HSDL2: variants seen among roughly 807,000 people sequenced by gnomAD.
HSDL2 encodes the protein hydroxysteroid dehydrogenase-like protein 2.
Under a neutral mutation model 46.3 loss-of-function variants are expected in HSDL2, and 27 were observed. The observed-to-expected ratio is 0.58, with a 90% CI of 0.43 to 0.80. HSDL2 has a LOEUF of 0.80. Among genes scored for constraint, HSDL2 ranks in the 30% least tolerant of loss-of-function variants. The pLI is 0.00. For synonymous variants in HSDL2, 153 were observed against 163.6 expected (o/e 0.94, Z 0.50); for missense variants, 451 against 502.7 (o/e 0.90, Z 0.98).
In HSDL2 at chr9:112,389,285, T is replaced by C. The variant is rs117104028; in HGVS notation, c.17+9105T>C. Among the ~76,000 whole-genome samples the C allele has an allele frequency of 3.7e-3, 557 of 152,210 alleles. 23 individuals carry two copies. The East Asian group carries it at 0.095, about 26-fold the overall frequency. On this transcript the variant is annotated intron_variant, in intron 1 of 10. Coordinates refer to ENST00000398805, the MANE Select transcript of HSDL2 (RefSeq NM_032303.5). Reference sequence around the variant, plus strand: ...GTGATCCCCGTCTTGGTCTCCCAAATTGCTGGGATTATAGGCATGAGCCAC... The same window carrying C: ...GTGATCCCCGTCTTGGTCTCCCAAACTGCTGGGATTATAGGCATGAGCCAC...
chr9:112,420,523 A>C (rs1832094914), intron 6 of HSDL2, among the ~76,000 whole-genome samples: 2 of 151,032 alleles, frequency 1.3e-5, no homozygotes, highest in African/African-American at 2.4e-5. Context: ...AAAAACACAC[A>C]CAAAAAAAAC....
At chr9:112,415,563 C>T (rs915307853) in intron 4 of HSDL2, among the ~76,000 whole-genome samples, 6 of 152,064 alleles carry the variant, frequency 3.9e-5, no homozygotes, top group African/African-American at 9.7e-5. Context: ...CTGTGCTGAC[C>T]GACAAGTATA....
intron 6 of HSDL2, among the ~76,000 whole-genome samples, chr9:112,425,033 T>A (rs150596007): frequency 3.3e-5 from 5 of 152,240 alleles, no homozygotes; most frequent in African/African-American, 1.2e-4. Context: ...CTTATTAGAT[T>A]AGCTAATCCT....
At chr9:112,408,863 TAA>T in intron 3 of HSDL2, 42 bp from the exon 4 acceptor site, 1 of 1,072,060 alleles carries the variant, frequency 9.3e-7, no homozygotes, top group Non-Finnish European at 1.4e-6. Flanking sequence ...TTGTGTGTGA[TAA>T]AAAGTCTTTC....
intron 6 of HSDL2, among the ~76,000 whole-genome samples, chr9:112,426,623 G>A (rs1462228632): frequency 2.0e-5 from 3 of 152,044 alleles, no homozygotes; most frequent in Non-Finnish European, 4.4e-5. Context: ...GTCTCTTTGG[G>A]GCCAACTGGG....
At chr9:112,464,217 CACACACAG>C (rs1329453778) in intron 10 of HSDL2, among the ~76,000 whole-genome samples, 1 of 758 alleles carries the variant, frequency 1.3e-3, no homozygotes, top group African/African-American at 0.011. Flanking sequence ...CACACAGACA[CACACACAG>C]ACACACACAC....
rs1470144185 is a variant in HSDL2, at chr9:112,398,849, A to G, written c.18-5146A>G. 2.0e-5 allele frequency among the ~76,000 whole-genome samples: 3 copies of G among 152,126 alleles called. 1 individual carries two copies. In the South Asian group the frequency reaches 6.2e-4, roughly 32 times the overall value. On this transcript the variant is annotated intron_variant, in intron 1 of 10. Transcript: ENST00000398805. ...CCACTGCCCTGAATAGGATGTCCAT[A>G]TTTTCCATAGGTACCTGAACTCCTC...
At chr9:112,425,135 C>T (rs1016450920) in intron 6 of HSDL2, among the ~76,000 whole-genome samples, 3 of 152,028 alleles carry the variant, frequency 2.0e-5, no homozygotes, top group African/African-American at 4.8e-5. Flanking sequence ...AATATATATG[C>T]AGTTTCTTCC....
chr9:112,417,146 T>C (rs1227631180), intron 5 of HSDL2, among the ~76,000 whole-genome samples: 1 of 152,198 alleles, frequency 6.6e-6, no homozygotes, highest in African/African-American at 2.4e-5. Flanking sequence ...TGACATTCAA[T>C]AAAATGCACA....
chr9:112,396,360 C>G (rs1343856544), intron 1 of HSDL2, among the ~76,000 whole-genome samples: 4 of 152,120 alleles, frequency 2.6e-5, no homozygotes, highest in African/African-American at 9.7e-5. Context: ...AACATCAGCC[C>G]TAGTATCTAC....
chr9:112,408,769 G>T, intron 3 of HSDL2, 138 bp from the exon 4 acceptor site: 1 of 547,948 alleles, frequency 1.8e-6, no homozygotes, highest in Non-Finnish European at 3.3e-6. Flanking sequence ...TTGCGTATAT[G>T]GGCCATTGTT....
chr9:112,398,150 C>T (rs963105509), intron 1 of HSDL2, among the ~76,000 whole-genome samples: 1 of 151,962 alleles, frequency 6.6e-6, no homozygotes, highest in African/African-American at 2.4e-5. Flanking sequence ...CATAAGCATA[C>T]TGGTGATTAT....
intron 3 of HSDL2, among the ~76,000 whole-genome samples, chr9:112,408,402 C>T (rs1831782564): frequency 6.6e-6 from 1 of 152,110 alleles, no homozygotes; most frequent in African/African-American, 2.4e-5. Context: ...GACAATCATG[C>T]AGGTGCTATT....
chr9:112,465,800 T>C (rs1355792540), intron 10 of HSDL2, among the ~76,000 whole-genome samples: 1 of 152,252 alleles, frequency 6.6e-6, no homozygotes, highest in African/African-American at 2.4e-5. Flanking sequence ...TACCTATTCA[T>C]CTTTTGTTTC....
intron 6 of HSDL2, among the ~76,000 whole-genome samples, chr9:112,421,622 A>G (rs1832126484): frequency 6.6e-6 from 1 of 152,102 alleles, no homozygotes; most frequent in Non-Finnish European, 1.5e-5. Context: ...GCTGGTCTTG[A>G]ACTTCTTGCC....
intron 1 of HSDL2, among the ~76,000 whole-genome samples, chr9:112,397,711 T>A (rs1356782400): frequency 2.0e-5 from 3 of 152,066 alleles, no homozygotes; most frequent in Non-Finnish European, 4.4e-5. Context: ...CACCACCAGG[T>A]ACGGAATTGT....
chr9:112,415,145 TTAA>T (rs1831963062), intron 4 of HSDL2, among the ~76,000 whole-genome samples: 1 of 152,150 alleles, frequency 6.6e-6, no homozygotes. Context: ...ATTACCTACC[TTAA>T]TGAGTGACTT....
intron 5 of HSDL2, 35 bp from the exon 6 acceptor site, chr9:112,418,825 T>C (rs1832055498): frequency 1.7e-6 from 2 of 1,206,890 alleles, no homozygotes; most frequent in South Asian, 2.8e-5. Flanking sequence ...TAATTTCTTT[T>C]ATAATTAAAT....
intron 1 of HSDL2, among the ~76,000 whole-genome samples, chr9:112,403,045 C>T (rs1831644679): frequency 6.6e-6 from 1 of 152,100 alleles, no homozygotes; most frequent in Non-Finnish European, 1.5e-5. Context: ...TATTTCAGAT[C>T]AACCTGCAGC....
Sources: gnomAD v4.1 joint callset for allele counts (sites outside exome capture counted in the v4.1 genomes callset) on GRCh38, gnomAD v4.1.1 for gene constraint, MANE v1.5 for transcripts, NCBI Gene and HGNC (gene_info 2026-07-23, HGNC 2026-07-21) for gene names.